Variants in PTCHD4 observed in about 807,000 individuals in gnomAD.
PTCHD4 encodes the protein patched domain containing 4.
PTCHD4 carries 33 observed loss-of-function variants against 58.1 expected under a neutral mutation model. The observed-to-expected ratio is 0.57, with a 90% CI of 0.43 to 0.76. The LOEUF (loss-of-function observed/expected upper bound fraction) is 0.76. Ranked by LOEUF, PTCHD4 falls within the 30% of genes least tolerant of loss-of-function variation. The pLI, the probability that PTCHD4 is intolerant of heterozygous loss-of-function variation, is 0.00. For synonymous variants in PTCHD4, 478 were observed against 409.6 expected (o/e 1.17, Z -2.02); for missense variants, 1,058 against 1,027.1 (o/e 1.03, Z -0.41).
intron 3 of PTCHD4, among the ~76,000 whole-genome samples, chr6:48,051,130 A>T (rs1764220369): frequency 6.6e-6 from 1 of 152,014 alleles, no homozygotes; most frequent in Non-Finnish European, 1.5e-5. Context: ...TTTTTAATCA[A>T]CAAATTTTAA....
At chr6:47,994,484 A>G (rs1768404398) in intron 4 of PTCHD4, among the ~76,000 whole-genome samples, 1 of 152,234 alleles carries the variant, frequency 6.6e-6, no homozygotes, top group Non-Finnish European at 1.5e-5. Flanking sequence ...GATGATAGGC[A>G]TGTAAACAAG....
rs184063373 is a variant in PTCHD4, at chr6:47,899,563, T to C, written c.899-19627A>G. On this transcript the variant is annotated intron_variant, in intron 4 of 4. Coordinates refer to ENST00000339488, the MANE Select transcript of PTCHD4 (RefSeq NM_001384253.1). ...AACTTTGCATGTTATCCTAATAAGG[T>C]TTGCAAATGAAGTAGAAAAAAAGAA... is the stretch of plus-strand genomic sequence containing the variant. The C allele has an allele frequency of 3.5e-5, 34 of 983,068 alleles. No individual in the cohort carries two copies. In the East Asian group the frequency reaches 3.0e-3, roughly 85 times the overall value. The allele number at this position is 983,068 out of a possible 1,614,324, so 60.9% of individuals were successfully genotyped here. A position where few individuals can be genotyped will look rare whatever the true frequency, so the allele number is the denominator to read the frequency against.
chr6:47,987,323 G>C (rs1362934929), intron 4 of PTCHD4, among the ~76,000 whole-genome samples: 1 of 150,570 alleles, frequency 6.6e-6, no homozygotes, highest in Admixed American at 6.6e-5. Context: ...TGAGTTAATG[G>C]GTGCAGCACA....
At chr6:48,052,332 C>A (rs957627652) in intron 3 of PTCHD4, among the ~76,000 whole-genome samples, 2 of 151,164 alleles carry the variant, frequency 1.3e-5, no homozygotes, top group Non-Finnish European at 3.0e-5. Flanking sequence ...TCCAAGGTCA[C>A]AGGTAAAGAA....
In PTCHD4 at chr6:48,080,972, A is replaced by G. The variant is rs531169037; in HGVS notation, c.-969-11046T>C. Among the ~76,000 whole-genome samples the G allele has an allele frequency of 2.6e-5, 4 of 152,338 alleles. No individual in the cohort carries two copies. In the South Asian group the frequency reaches 8.3e-4, roughly 32 times the overall value. On this transcript the variant is annotated intron_variant, in intron 1 of 4. Coordinates refer to ENST00000339488, the MANE Select transcript of PTCHD4 (RefSeq NM_001384253.1). ...TTTTGGTGATCTTCAGGATCTAAAC[A>G]AAGTTCATTATGGCTGAAGTGTAAA...
chr6:48,004,273 A>G (rs1244676191), intron 4 of PTCHD4, among the ~76,000 whole-genome samples: 1 of 152,174 alleles, frequency 6.6e-6, no homozygotes, highest in African/African-American at 2.4e-5. Flanking sequence ...ACTTGCAAAA[A>G]ACGAGTCATC....
chr6:47,925,395 G>C (rs1460780891), intron 4 of PTCHD4, among the ~76,000 whole-genome samples: 2 of 152,078 alleles, frequency 1.3e-5, no homozygotes, highest in African/African-American at 2.4e-5. Flanking sequence ...CATTTGTTAT[G>C]GTGACTATCT....
intron 4 of PTCHD4, among the ~76,000 whole-genome samples, chr6:47,985,317 TG>T (rs1030176279): frequency 1.3e-5 from 2 of 152,038 alleles, no homozygotes; most frequent in Non-Finnish European, 2.9e-5. Context: ...AACTGATAAG[TG>T]GTACAAGGAC....
intron 4 of PTCHD4, among the ~76,000 whole-genome samples, chr6:48,002,994 T>C (rs1768796136): frequency 1.3e-5 from 2 of 152,126 alleles, no homozygotes; most frequent in Admixed American, 1.3e-4. Context: ...CATAAAACAC[T>C]TTCTTTACTC....
At chr6:47,944,034 A>C (rs1244061256) in intron 4 of PTCHD4, among the ~76,000 whole-genome samples, 1 of 152,102 alleles carries the variant, frequency 6.6e-6, no homozygotes, top group East Asian at 1.9e-4. Flanking sequence ...CATTTCAGAG[A>C]GGGAATGGCA....
At chr6:48,019,787 T>G (rs924647326) in intron 3 of PTCHD4, among the ~76,000 whole-genome samples, 1 of 151,772 alleles carries the variant, frequency 6.6e-6, no homozygotes. Flanking sequence ...TAACACAAGA[T>G]GTCAAGAGAG....
chr6:48,091,534 T>C (rs886749363), intron 1 of PTCHD4, among the ~76,000 whole-genome samples: 5 of 152,170 alleles, frequency 3.3e-5, no homozygotes, highest in Non-Finnish European at 7.4e-5. Flanking sequence ...ATCACCTGAG[T>C]ACAGAACTTT....
At chr6:48,007,123 C>T (rs1392338520) in intron 4 of PTCHD4, among the ~76,000 whole-genome samples, 1 of 152,010 alleles carries the variant, frequency 6.6e-6, no homozygotes, top group Non-Finnish European at 1.5e-5. Flanking sequence ...ACCTGTAATC[C>T]CAGCTACTCA....
chr6:48,075,810 C>A (rs76473180), intron 1 of PTCHD4, among the ~76,000 whole-genome samples: 1 of 152,074 alleles, frequency 6.6e-6, no homozygotes, highest in Admixed American at 6.5e-5. Context: ...AAGTTGTAAT[C>A]TTTTTGCTGG....
intron 3 of PTCHD4, among the ~76,000 whole-genome samples, chr6:48,065,520 A>G (rs1294205737): frequency 6.6e-6 from 1 of 152,236 alleles, no homozygotes; most frequent in African/African-American, 2.4e-5. Context: ...CCCTTGAAAC[A>G]CAGGAACCAA....
At chr6:48,042,881 C>A (rs887520946) in intron 3 of PTCHD4, among the ~76,000 whole-genome samples, 3 of 151,942 alleles carry the variant, frequency 2.0e-5, no homozygotes, top group Non-Finnish European at 2.9e-5. Flanking sequence ...TGTTACCTGA[C>A]TTCTCCCATT....
rs925287155 is a variant in PTCHD4, at chr6:47,858,016, C to T, written c.*20287G>A. On this transcript the variant is annotated 3_prime_UTR_variant, in exon 5 of 5. Transcript: ENST00000339488. ...ACCCCAAACACAAACATTTCTGAAA[C>T]GTTTCAGTTGATTGAGCTTGTAAGC... Among the ~76,000 whole-genome samples the T allele has an allele frequency of 1.2e-4, 18 of 151,910 alleles. No homozygotes were observed. Among genetic ancestry groups the T allele is most frequent in the Non-Finnish European group, 2.5e-4 (17 of 67,956 alleles).
intron 4 of PTCHD4, among the ~76,000 whole-genome samples, chr6:47,933,989 G>A (rs1397971086): frequency 6.6e-6 from 1 of 151,922 alleles, no homozygotes. Context: ...TACTATCTTG[G>A]TAGAATAACA....
At chr6:48,055,573 G>T (rs892469070) in intron 3 of PTCHD4, among the ~76,000 whole-genome samples, 2 of 152,154 alleles carry the variant, frequency 1.3e-5, no homozygotes, top group Non-Finnish European at 2.9e-5. Context: ...AGCCTAGAAA[G>T]AATCCAATTC....
Sources: allele counts gnomAD v4.1 joint callset (sites outside exome capture counted in the v4.1 genomes callset), GRCh38; gene constraint gnomAD v4.1.1; transcripts MANE v1.5; gene names NCBI Gene and HGNC (gene_info 2026-07-23, HGNC 2026-07-21).